The following PRDM16 variants were observed in gnomAD, a reference collection of about 807,000 sequenced individuals.
PRDM16 encodes histone-lysine N-methyltransferase PRDM16.
PRDM16 carries 23 observed loss-of-function variants against 110.6 expected under a neutral mutation model. The observed-to-expected ratio is 0.21, with a 90% confidence interval of 0.15 to 0.29. PRDM16 has a LOEUF of 0.29. Ranked by LOEUF, PRDM16 falls within the 10% of genes least tolerant of loss-of-function variation. The pLI, the probability that PRDM16 is intolerant of heterozygous loss-of-function variation, is 1.00. For missense variants in PRDM16, 1,615 were observed against 1,794.3 expected, an observed-to-expected ratio of 0.90 and a Z score of 1.81; for synonymous variants, 799 against 781.8, an observed-to-expected ratio of 1.02 and a Z score of -0.37.
chr1:3,431,392 G>A (rs935763546), intron 15 of PRDM16, among the ~76,000 whole-genome samples: 14 of 142,256 alleles, frequency 9.8e-5, no homozygotes, highest in Middle Eastern at 3.4e-3. Flanking sequence ...GGAGGCCCCC[G>A]GCCCTGCAGC....
intron 3 of PRDM16, among the ~76,000 whole-genome samples, chr1:3,351,596 TCCCCTCCCTCTCTCTC>T (rs1642489571): frequency 1.2e-3 from 1 of 844 alleles, no homozygotes; most frequent in South Asian, 0.062. Flanking sequence ...CCCTCTCTCT[TCCCCTCCCTCTCTCTC>T]CCCCTCCCTC....
chr1:3,433,542 GC>G, intron 16 of PRDM16, 134 bp from the exon 17 acceptor site: 1 of 237,524 alleles, frequency 4.2e-6, no homozygotes, highest in Non-Finnish European at 7.7e-6. Flanking sequence ...GGGATGGCCC[GC>G]CCTGCCCACG....
chr1:3,212,613 C>T (rs938438144), intron 2 of PRDM16, among the ~76,000 whole-genome samples: 8 of 146,524 alleles, frequency 5.5e-5, no homozygotes, highest in East Asian at 2.0e-4. Context: ...CCGGCCCCCT[C>T]GCTGAGGTCC....
chr1:3,432,752 G>A (rs1569793230), intron 16 of PRDM16, among the ~76,000 whole-genome samples: 1 of 152,208 alleles, frequency 6.6e-6, no homozygotes, highest in African/African-American at 2.4e-5. Flanking sequence ...CCGTCTGCGT[G>A]TCTGTCTTTG....
chr1:3,286,042 T>G (rs527305363), intron 3 of PRDM16, among the ~76,000 whole-genome samples: 1 of 152,316 alleles, frequency 6.6e-6, no homozygotes, highest in East Asian at 1.9e-4. Flanking sequence ...TATGGGACCA[T>G]TTAAATGCTA....
At chr1:3,283,254 T>C (rs1221212543) in intron 3 of PRDM16, among the ~76,000 whole-genome samples, 1 of 152,148 alleles carries the variant, frequency 6.6e-6, no homozygotes, top group Non-Finnish European at 1.5e-5. Flanking sequence ...GTCCCTGCAA[T>C]GGAGGTGCCA....
intron 3 of PRDM16, among the ~76,000 whole-genome samples, chr1:3,326,380 C>T (rs1321709014): frequency 1.3e-5 from 2 of 152,194 alleles, no homozygotes; most frequent in African/African-American, 2.4e-5. Flanking sequence ...GATGCTTTTT[C>T]CAGAAAAGAT....
intron 3 of PRDM16, among the ~76,000 whole-genome samples, chr1:3,377,719 G>A (rs923627702): frequency 6.6e-6 from 1 of 152,216 alleles, no homozygotes; most frequent in African/African-American, 2.4e-5. Context: ...CAGCCCAGTG[G>A]CCATGGTGGC....
At chr1:3,171,310 G>C (rs1030573548) in intron 1 of PRDM16, among the ~76,000 whole-genome samples, 1 of 152,198 alleles carries the variant, frequency 6.6e-6, no homozygotes, top group African/African-American at 2.4e-5. Context: ...CCTCCTCCTC[G>C]CTGTCCGGGC....
intron 2 of PRDM16, 64 bp downstream of exon 2, chr1:3,186,538 A>C: frequency 1.8e-6 from 2 of 1,138,162 alleles, no homozygotes; most frequent in Non-Finnish European, 2.4e-6. Context: ...TCTATTTATA[A>C]AGCCGGGCTG....
intron 1 of PRDM16, among the ~76,000 whole-genome samples, chr1:3,176,450 A>G (rs1000680760): frequency 6.7e-6 from 1 of 149,516 alleles, no homozygotes. Flanking sequence ...AGCTCCTCAG[A>G]GCAGGAAGAC....
intron 2 of PRDM16, among the ~76,000 whole-genome samples, chr1:3,194,438 T>C (rs1638402158): frequency 6.6e-6 from 1 of 152,154 alleles, no homozygotes; most frequent in Admixed American, 6.5e-5. Context: ...GCCTTATCCT[T>C]TAAATTCCAA....
At chr1:3,225,162 A>G (rs952574399) in intron 2 of PRDM16, among the ~76,000 whole-genome samples, 4 of 152,092 alleles carry the variant, frequency 2.6e-5, no homozygotes, top group African/African-American at 4.8e-5. Context: ...TTGGAAGGAA[A>G]AAAAAAGGCA....
chr1:3,173,866 G>T (rs539473462), intron 1 of PRDM16, among the ~76,000 whole-genome samples: 1 of 152,326 alleles, frequency 6.6e-6, no homozygotes, highest in South Asian at 2.1e-4. Context: ...AGAGAAGGGG[G>T]CCAACAACCT....
In PRDM16 at chr1:3,290,447, C is replaced by T. The variant is rs755593267; in HGVS notation, c.438+46310C>T. On this transcript the variant is annotated intron_variant, in intron 3 of 16. Coordinates refer to ENST00000270722, the MANE Select transcript of PRDM16 (RefSeq NM_022114.4). The surrounding 1 kb of genome is among the most constrained non-coding windows in gnomAD (Gnocchi z 4.8). ...GCCTGCTGCCTCCACCTGCTGTGTT[C>T]GAAGCGGTGATTTTTCTCTTGAGGC... 5.9e-5 allele frequency among the ~76,000 whole-genome samples: 9 copies of T among 152,194 alleles called. No homozygotes were observed. The highest frequency in any genetic ancestry group is 5.9e-4 in the Admixed American group (9 of 15,282).
chr1:3,314,698 A>G (rs899351425), intron 3 of PRDM16, among the ~76,000 whole-genome samples: 1 of 151,528 alleles, frequency 6.6e-6, no homozygotes, highest in African/African-American at 2.4e-5. Context: ...GTTCTCAGAA[A>G]AGTTCCTCCC....
intron 1 of PRDM16, among the ~76,000 whole-genome samples, chr1:3,160,011 G>C (rs1254578022): frequency 1.3e-5 from 2 of 152,346 alleles, no homozygotes; most frequent in South Asian, 4.1e-4. Flanking sequence ...AAACTAACTT[G>C]GTGTTCTGTA....
chr1:3,257,125 T>C (rs1428057070), intron 3 of PRDM16, among the ~76,000 whole-genome samples: 2 of 152,178 alleles, frequency 1.3e-5, no homozygotes, highest in African/African-American at 2.4e-5. Context: ...GTGGCGAAGG[T>C]AGTCAATGAA....
Position 3,205,787 on chromosome 1 carries a change from C to T in PRDM16, c.387+19313C>T, listed in dbSNP as rs148185232. On this transcript the variant is annotated intron_variant, in intron 2 of 16. Transcript: ENST00000270722. ...TAGAACCGGCTTCCTGGCCAGGCCT[C>T]GGTAATTGCCCCAGGGGCAGCTGAT... is the stretch of plus-strand genomic sequence containing the variant. Among the ~76,000 whole-genome samples, 786 of 152,178 alleles carry T rather than the reference C, an allele frequency of 5.2e-3. 9 individuals carry two copies. Among genetic ancestry groups the T allele is most frequent in the African/African-American group, 0.016 (670 of 41,526 alleles).
Sources: allele counts gnomAD v4.1 joint callset (sites outside exome capture counted in the v4.1 genomes callset), GRCh38; gene constraint gnomAD v4.1.1; non-coding constraint Gnocchi (gnomAD v3.1); transcripts MANE v1.5; gene names NCBI Gene and HGNC (gene_info 2026-07-23, HGNC 2026-07-21).